Variants in PTPN11 observed in about 807,000 individuals in gnomAD.
The protein encoded by PTPN11 is protein tyrosine phosphatase non-receptor type 11.
A neutral mutation model predicts 78.8 loss-of-function variants in PTPN11; 6 were observed. The ratio of observed to expected loss-of-function variants is 0.08; its 90% CI spans 0.04 to 0.15. The LOEUF (loss-of-function observed/expected upper bound fraction) is 0.15, where lower values mean the gene tolerates loss of function less well. Ranked by LOEUF, PTPN11 falls within the 10% of genes least tolerant of loss-of-function variation. PTPN11 has a pLI of 1.00. For missense variants in PTPN11, 386 were observed against 744.8 expected (o/e 0.52, Z 5.61); for synonymous variants, 221 against 263.5 (o/e 0.84, Z 1.56).
intron 6 of PTPN11, among the ~76,000 whole-genome samples, chr12:112,462,863 G>A (rs1220419516): frequency 6.6e-6 from 1 of 152,092 alleles, no homozygotes; most frequent in African/African-American, 2.4e-5. Context: ...ATCACAGAGA[G>A]GATTACAGTG....
chr12:112,439,917 C>A (rs1219351362), intron 1 of PTPN11, among the ~76,000 whole-genome samples: 1 of 151,968 alleles, frequency 6.6e-6, no homozygotes, highest in Non-Finnish European at 1.5e-5. Context: ...GCACATATGC[C>A]ACTCAGTTTC....
chr12:112,428,521 C>T, intron 1 of PTPN11, among the ~76,000 whole-genome samples: 1 of 149,098 alleles, frequency 6.7e-6, no homozygotes, highest in East Asian at 2.0e-4. Flanking sequence ...ACTAAGTTCT[C>T]AGGGTCGAAT....
chr12:112,426,658 A>G (rs2037620519), intron 1 of PTPN11, among the ~76,000 whole-genome samples: 1 of 152,052 alleles, frequency 6.6e-6, no homozygotes, highest in Non-Finnish European at 1.5e-5. Flanking sequence ...CACAGGGGTC[A>G]TGTGTAATAG....
intron 3 of PTPN11, among the ~76,000 whole-genome samples, chr12:112,451,403 A>C (rs2038077377): frequency 1.3e-5 from 2 of 152,202 alleles, no homozygotes; most frequent in Non-Finnish European, 1.5e-5. Flanking sequence ...CTGCCATGAT[A>C]GTACTTGCTT....
chr12:112,474,467 C>T (rs1274873180), intron 7 of PTPN11, among the ~76,000 whole-genome samples: 5 of 151,912 alleles, frequency 3.3e-5, no homozygotes, highest in Non-Finnish European at 7.4e-5. Flanking sequence ...GTCCTCCTGC[C>T]TCAGCCTCCC....
intron 6 of PTPN11, 93 bp from the exon 7 acceptor site, chr12:112,472,851 A>G: frequency 9.8e-7 from 1 of 1,018,300 alleles, no homozygotes; most frequent in Non-Finnish European, 1.6e-6. Context: ...ATTTCCTAGG[A>G]TGAATTCCTT....
intron 3 of PTPN11, 91 bp downstream of exon 3, chr12:112,450,603 T>C (rs2038066840): frequency 1.6e-6 from 2 of 1,247,736 alleles, no homozygotes; most frequent in Non-Finnish European, 2.3e-6. Flanking sequence ...ACTCTCTGAC[T>C]CCAAAGGCTT....
chr12:112,470,616 G>C (rs1379817853), intron 6 of PTPN11, among the ~76,000 whole-genome samples: 2 of 152,182 alleles, frequency 1.3e-5, no homozygotes, highest in Admixed American at 1.3e-4. Flanking sequence ...ACCTTGCATA[G>C]TGATTGCTTT....
chr12:112,486,415 T>C, intron 10 of PTPN11, 60 bp from the exon 11 acceptor site: 1 of 1,507,644 alleles, frequency 6.6e-7, no homozygotes. Context: ...TAGAACCGGG[T>C]GATTCCTCAA....
At chr12:112,456,294 C>T (rs763034666) in intron 6 of PTPN11, among the ~76,000 whole-genome samples, 6 of 152,102 alleles carry the variant, frequency 3.9e-5, no homozygotes, top group Non-Finnish European at 4.4e-5. Context: ...ATGTGCTAGC[C>T]GCTCCATTTG....
rs559881915 is a variant in PTPN11, at chr12:112,482,896, T to C, written c.1224+691T>C. On this transcript the variant is annotated intron_variant, in intron 10 of 15. Coordinates refer to ENST00000351677, the MANE Select transcript of PTPN11 (RefSeq NM_002834.5). This position sits in a 1 kb window ranked among gnomAD's most constrained non-coding sequence, Gnocchi z 4.4. ...AAGGAGAACTGATGTGGGCAGTGATTTGTTTTCTTCTGGATGTGTTCAGCT... is the reference window on the plus strand; with the variant it reads ...AAGGAGAACTGATGTGGGCAGTGATCTGTTTTCTTCTGGATGTGTTCAGCT... Among the ~76,000 whole-genome samples, 187 of 152,280 alleles carry C rather than the reference T, an allele frequency of 1.2e-3. No homozygotes were observed. The highest frequency in any genetic ancestry group is 4.2e-3 in the African/African-American group (175 of 41,558).
At chr12:112,489,257 A>G in intron 13 of PTPN11, 82 bp downstream of exon 13, 3 of 1,497,754 alleles carry the variant, frequency 2.0e-6, no homozygotes, top group Non-Finnish European at 2.8e-6. Flanking sequence ...GCAGGAGGAC[A>G]GGCTCTGATA....
At chr12:112,432,964 G>A (rs535638527) in intron 1 of PTPN11, among the ~76,000 whole-genome samples, 103 of 152,018 alleles carry the variant, frequency 6.8e-4, no homozygotes, top group African/African-American at 2.4e-3. Flanking sequence ...GGGTTCAAGC[G>A]ATTCTCCTGC....
chr12:112,446,541 G>A lies in PTPN11; in HGVS notation c.137+143G>A, dbSNP rs540623912. Reference sequence around the variant, plus strand: ...GGCTGCCTTCAGGGTTTGGGGAGTGGCCTCCTGGACATTTAGCAGAAGAGG... The same window carrying A: ...GGCTGCCTTCAGGGTTTGGGGAGTGACCTCCTGGACATTTAGCAGAAGAGG... On this transcript the variant is annotated intron_variant, in intron 2 of 15. Coordinates refer to ENST00000351677, the MANE Select transcript of PTPN11 (RefSeq NM_002834.5). The A allele has an allele frequency of 9.0e-5, 105 of 1,164,676 alleles. No homozygotes were observed. In the East Asian group the frequency reaches 2.2e-3, roughly 25 times the overall value. The allele number at this position is 1,164,676 out of a possible 1,614,324, so 72.1% of individuals were successfully genotyped here. A position where few individuals can be genotyped will look rare whatever the true frequency, so the allele number is the denominator to read the frequency against.
chr12:112,478,898 A>G (rs1651026476), intron 9 of PTPN11, among the ~76,000 whole-genome samples: 1 of 151,986 alleles, frequency 6.6e-6, no homozygotes. Context: ...ACGCCTGGCT[A>G]ATTTTTGTAT....
In PTPN11 at chr12:112,506,926, G is replaced by A. The variant is rs925243678; in HGVS notation, c.*1134G>A. 1 of 217,342 alleles carries A rather than the reference G, an allele frequency of 4.6e-6. No individual in the cohort carries two copies. The highest frequency in any genetic ancestry group is 9.2e-6 in the Non-Finnish European group (1 of 108,586). The allele number at this position is 217,342 out of a possible 1,614,324, so 13.5% of individuals were successfully genotyped here. Reference sequence around the variant, plus strand: ...AACTTAAGTCCAGAATTGTCACAGTGTCCCTTCTACTTCCCTCTATTGATG... The same window carrying A: ...AACTTAAGTCCAGAATTGTCACAGTATCCCTTCTACTTCCCTCTATTGATG... On this transcript the variant is annotated 3_prime_UTR_variant, in exon 16 of 16. Transcript: ENST00000351677.
chr12:112,492,799 G>C (rs1331631260), intron 13 of PTPN11, among the ~76,000 whole-genome samples: 1 of 152,108 alleles, frequency 6.6e-6, no homozygotes, highest in East Asian at 1.9e-4. Context: ...TTACAGATGT[G>C]AGTCACTGCG....
chr12:112,442,124 T>C (rs2037903187), intron 1 of PTPN11, among the ~76,000 whole-genome samples: 1 of 152,236 alleles, frequency 6.6e-6, no homozygotes, highest in South Asian at 2.1e-4. Flanking sequence ...CTGAAGCAGA[T>C]GCCATTCATG....
chr12:112,440,755 G>A (rs910863876), intron 1 of PTPN11, among the ~76,000 whole-genome samples: 6 of 149,200 alleles, frequency 4.0e-5, no homozygotes. Flanking sequence ...TGTATTTTTA[G>A]TACAGATGAG....
Sources: allele counts gnomAD v4.1 joint callset (sites outside exome capture counted in the v4.1 genomes callset), GRCh38; gene constraint gnomAD v4.1.1; non-coding constraint Gnocchi (gnomAD v3.1); transcripts MANE v1.5; gene names NCBI Gene and HGNC (gene_info 2026-07-23, HGNC 2026-07-21).